TTLL6: variants seen among roughly 807,000 people sequenced by gnomAD.
TTLL6 encodes the protein tubulin tyrosine ligase like 6, also known as tubulin polyglutamylase TTLL6.
A neutral mutation model predicts 96.4 loss-of-function variants in TTLL6; 75 were observed. That is an observed-to-expected ratio of 0.78 (90% CI 0.65 to 0.94). TTLL6 has a LOEUF of 0.94. Ranked by LOEUF, TTLL6 falls within the 40% of genes least tolerant of loss-of-function variation. TTLL6 has a pLI of 0.00. For missense variants in TTLL6, 1,030 were observed against 1,093.0 expected, an observed-to-expected ratio of 0.94 and a Z score of 0.81; for synonymous variants, 411 against 419.4, an observed-to-expected ratio of 0.98 and a Z score of 0.24.
At chr17:48,768,491 C>T (rs1227045264) in intron 15 of TTLL6, among the ~76,000 whole-genome samples, 1 of 151,898 alleles carries the variant, frequency 6.6e-6, no homozygotes, top group Non-Finnish European at 1.5e-5. Flanking sequence ...AGAATGGTCT[C>T]GATTTCCTGA....
rs1567733734 is a variant in TTLL6 at position 48,802,134 on chromosome 17, GAAAGAAAGAAAGA to G, written c.362-504_362-492del. 1.6e-3 allele frequency among the ~76,000 whole-genome samples: 199 copies of G among 125,632 alleles called. 2 individuals carry two copies. The highest frequency in any genetic ancestry group is 5.3e-3 in the African/African-American group (176 of 33,204). 82.4% of individuals were successfully genotyped at this position (125,632 alleles called of 152,430 possible). On this transcript the variant is annotated intron_variant, in intron 3 of 15. Transcript: ENST00000393382. ...AGAAAGAAAGAAAGAAAGAAAGAAA[GAAAGAAAGAAAGA>G]AAGAAAATAAAGGAACATGGAGAGT...
Position 48,791,535 on chromosome 17 carries a change from A to G in TTLL6, c.1067T>C (p.Ile356Thr), listed in dbSNP as rs376154498. 100 of 1,614,070 alleles carry G rather than the reference A, an allele frequency of 6.2e-5. No individual in the cohort carries two copies. Among genetic ancestry groups the G allele is most frequent in the Non-Finnish European group, 7.9e-5 (93 of 1,180,038 alleles). The change falls in exon 9 of 16, where the codon ATT (isoleucine) becomes ACT (threonine). Residue 356 changes from isoleucine (I) to threonine (T), a missense_variant. Transcript: ENST00000393382. ...GAGGGTCTTGATGATGACGTCCTCA[A>G]TATCCCTCCATATCTGCTCCACGTT... is the stretch of plus-strand genomic sequence containing the variant. ...SYNVEQIWRD[I>T]EDVIIKTLIS...
intron 13 of TTLL6, among the ~76,000 whole-genome samples, chr17:48,780,037 G>A (rs1250750798): frequency 6.6e-6 from 1 of 151,756 alleles, no homozygotes; most frequent in Non-Finnish European, 1.5e-5. Flanking sequence ...TGCCAAAATT[G>A]TACGGTGAAG....
chr17:48,772,624 G>A (rs556875363), intron 13 of TTLL6, among the ~76,000 whole-genome samples: 146 of 151,898 alleles, frequency 9.6e-4, no homozygotes, highest in African/African-American at 3.2e-3. Context: ...CCAGCTACTC[G>A]GGAGGCTGAG....
intron 13 of TTLL6, among the ~76,000 whole-genome samples, chr17:48,775,248 T>C (rs1217551695): frequency 2.6e-5 from 4 of 151,678 alleles, no homozygotes; most frequent in Non-Finnish European, 5.9e-5. Flanking sequence ...ATCAAAGATA[T>C]ACAACGAAAA....
chr17:48,775,148 A>G (rs2038845691), intron 13 of TTLL6, among the ~76,000 whole-genome samples: 1 of 152,036 alleles, frequency 6.6e-6, no homozygotes, highest in South Asian at 2.1e-4. Context: ...AGAAAGAACA[A>G]CAAATCTATA....
At chr17:48,802,100 AAG>A (rs770422107) in intron 3 of TTLL6, among the ~76,000 whole-genome samples, 1 of 75,822 alleles carries the variant, frequency 1.3e-5, no homozygotes, top group Non-Finnish European at 3.8e-5. Context: ...GAAAGAAAGA[AAG>A]AAAGAAAGAA....
chr17:48,765,381 C>T (rs1353485519), intron 15 of TTLL6, among the ~76,000 whole-genome samples: 1 of 152,080 alleles, frequency 6.6e-6, no homozygotes, highest in Non-Finnish European at 1.5e-5. Flanking sequence ...CACTGCACTC[C>T]AGCCTGGACA....
At chr17:48,793,599 G>GA (rs61297861) in intron 8 of TTLL6, among the ~76,000 whole-genome samples, 2,289 of 114,486 alleles carry the variant, frequency 0.02, 39 homozygotes, top group African/African-American at 0.062. Flanking sequence ...TCCGTCTCAA[G>GA]AAAAAAAAAA....
At chr17:48,763,159 A>C (rs1402420556) in intron 15 of TTLL6, among the ~76,000 whole-genome samples, 186 bp from the exon 16 acceptor site, 1 of 139,980 alleles carries the variant, frequency 7.1e-6, no homozygotes, top group Non-Finnish European at 1.6e-5. Context: ...TTCTTGCCTG[A>C]AATATTGGAT....
At chr17:48,813,509 A>G (rs999248991) in intron 1 of TTLL6, among the ~76,000 whole-genome samples, 1 of 152,192 alleles carries the variant, frequency 6.6e-6, no homozygotes, top group African/African-American at 2.4e-5. Flanking sequence ...CAGCGAGTAG[A>G]GATCACACAA....
rs117729065 is a variant in TTLL6, at chr17:48,787,797, G to A, written c.1589+14C>T. On this transcript the variant is annotated intron_variant, in intron 11 of 15. Transcript: ENST00000393382. ...AGAACCCCTCCACCGACCTCATCCC[G>A]GATGTCTTCCTACCGGGCATACTCC... 0.021 allele frequency: 33,114 copies of A among 1,610,750 alleles called. 426 individuals carry two copies. Among genetic ancestry groups the A allele is most frequent in the Middle Eastern group, 0.036 (220 of 6,040 alleles).
In TTLL6 at chr17:48,785,120, T is replaced by C; in HGVS notation, c.1843A>G (p.Ser615Gly). ...VRGERKNETD[S>G]SLNQEAPTEE... The stretch of plus-strand genomic sequence containing the variant: ...GTGGGAGCCTCCTGGTTGAGGCTGC[T>C]GTCTGTTTCATTTTTCCTTTCACCT... Residue 615 changes from serine to glycine, a missense_variant, in exon 13 of 16, where the codon AGC (serine) becomes GGC (glycine). Coordinates refer to ENST00000393382, the MANE Select transcript of TTLL6 (RefSeq NM_001130918.3). 2 of 1,614,198 alleles carry C rather than the reference T, an allele frequency of 1.2e-6. No homozygotes were observed. The highest frequency in any genetic ancestry group is 8.5e-7 in the Non-Finnish European group (1 of 1,180,040).
intron 2 of TTLL6, 161 bp from the exon 3 acceptor site, chr17:48,804,089 A>C (rs2039467738): frequency 4.2e-6 from 3 of 707,306 alleles, no homozygotes; most frequent in East Asian, 5.4e-5. Context: ...CACGAGTCCA[A>C]GGGGGTACAG....
chr17:48,801,377 A>C lies in TTLL6; in HGVS notation c.489T>G (p.Asn163Lys). The C allele has an allele frequency of 2.6e-6, 4 of 1,551,598 alleles. No homozygotes were observed. Among genetic ancestry groups the C allele is most frequent in the Non-Finnish European group, 3.5e-6 (4 of 1,146,968 alleles). The change falls in exon 5 of 16, where the codon AAT becomes AAG. Residue 163 changes from asparagine to lysine, a missense_variant. By Grantham distance (94) the Asn-to-Lys change is moderately conservative (BLOSUM62 0). Coordinates refer to ENST00000393382, the MANE Select transcript of TTLL6 (RefSeq NM_001130918.3). Reference protein sequence around the residue: ...VMEMKSYQKINHFPGMSEICR... With the variant: ...VMEMKSYQKIKHFPGMSEICR... ...AGATTTCACTCATCCCGGGGAAGTG[A>C]TTGATCTTCTGGAAGGGAAGCCGGA...
At chr17:48,771,712 GA>G (rs1490398628) in intron 13 of TTLL6, among the ~76,000 whole-genome samples, 1 of 151,786 alleles carries the variant, frequency 6.6e-6, no homozygotes, top group African/African-American at 2.4e-5. Flanking sequence ...AGAACAAACA[GA>G]ATCCAGAGAC....
At chr17:48,779,353 C>CAAAAAAAAAA (rs35763170) in intron 13 of TTLL6, among the ~76,000 whole-genome samples, 5 of 46,248 alleles carry the variant, frequency 1.1e-4, no homozygotes, top group Non-Finnish European at 1.5e-4. Context: ...GACTCTGTCT[C>CAAAAAAAAAA]AAAAAAAAAA....
At chr17:48,801,740 G>C in intron 3 of TTLL6, 97 bp from the exon 4 acceptor site, 1 of 1,007,098 alleles carries the variant, frequency 9.9e-7, no homozygotes, top group Non-Finnish European at 1.5e-6. Flanking sequence ...AAGTACTGAA[G>C]CAAAAAATCT....
At position 48,785,118 on chromosome 17, in the gene TTLL6, GCTGT is replaced by G; in HGVS notation, c.1841_1844del (p.Asp614AlafsTer19). The G allele has an allele frequency of 6.2e-7, 1 of 1,614,166 alleles. No homozygotes were observed. The highest frequency in any genetic ancestry group is 1.7e-5 in the Admixed American group (1 of 60,006). The stretch of plus-strand genomic sequence containing the variant: ...CCGTGGGAGCCTCCTGGTTGAGGCT[GCTGT>G]CTGTTTCATTTTTCCTTTCACCTCT... On this transcript the variant is annotated frameshift_variant, in exon 13 of 16. Coordinates refer to ENST00000393382, the MANE Select transcript of TTLL6 (RefSeq NM_001130918.3). LOFTEE classifies it high-confidence loss of function.
Sources: gnomAD v4.1 joint callset for allele counts (sites outside exome capture counted in the v4.1 genomes callset) on GRCh38, gnomAD v4.1.1 for gene constraint, MANE v1.5 for transcripts, NCBI Gene and HGNC (gene_info 2026-07-23, HGNC 2026-07-21) for gene names.